The following PLA2R1 variants were observed in gnomAD, a reference collection of about 807,000 sequenced individuals.
PLA2R1 encodes the protein phospholipase A2 receptor 1, also known as secretory phospholipase A2 receptor.
In PLA2R1, 158 loss-of-function variants were observed where a neutral mutation model predicts 195.9. The ratio of observed to expected loss-of-function variants is 0.81; its 90% CI spans 0.71 to 0.92. PLA2R1 has a LOEUF of 0.92. PLA2R1 is among the 40% of genes least tolerant of loss of function. The pLI, the probability that PLA2R1 is intolerant of heterozygous loss-of-function variation, is 0.00. For synonymous variants in PLA2R1, 586 were observed against 598.2 expected, an observed-to-expected ratio of 0.98 and a Z score of 0.30; for missense variants, 1,626 against 1,764.6, an observed-to-expected ratio of 0.92 and a Z score of 1.41.
intron 1 of PLA2R1, among the ~76,000 whole-genome samples, chr2:160,052,076 A>G (rs1695245851): frequency 6.6e-6 from 1 of 152,188 alleles, no homozygotes; most frequent in African/African-American, 2.4e-5. Flanking sequence ...CTGAACCTAG[A>G]TAATCACCAT....
intron 1 of PLA2R1, among the ~76,000 whole-genome samples, chr2:160,046,566 C>CA (rs1464378706): frequency 2.0e-5 from 3 of 152,132 alleles, no homozygotes; most frequent in Non-Finnish European, 4.4e-5. Context: ...TTACAGTAAC[C>CA]AAAATCACTT....
At chr2:159,956,319 C>A (rs2105166887) in intron 21 of PLA2R1, among the ~76,000 whole-genome samples, 191 bp downstream of exon 21, 1 of 152,246 alleles carries the variant, frequency 6.6e-6, no homozygotes, top group African/African-American at 2.4e-5. Flanking sequence ...AGTTTATAAG[C>A]AATGCAGTAC....
At chr2:159,929,841 GTAT>G (rs1208961852), downstream of PLA2R1, among the ~76,000 whole-genome samples, 1 of 145,266 alleles carries the variant, frequency 6.9e-6, no homozygotes, top group Non-Finnish European at 1.5e-5. Flanking sequence ...GCATGTATAT[GTAT>G]TATATATTTG....
intron 10 of PLA2R1, among the ~76,000 whole-genome samples, chr2:160,008,916 G>A (rs910302847): frequency 4.6e-5 from 7 of 152,156 alleles, no homozygotes; most frequent in African/African-American, 1.7e-4. Context: ...CTCCAAAGAA[G>A]ATACACAGAT....
At position 159,938,156 on chromosome 2, in the gene PLA2R1, TA is replaced by T; in HGVS notation, c.*3621del. 2 of 152,314 alleles carry T rather than the reference TA, an allele frequency of 1.3e-5. No individual in the cohort carries two copies. The highest frequency in any genetic ancestry group is 4.1e-4 in the South Asian group (2 of 4,824). 9.4% of individuals were successfully genotyped at this position (152,314 alleles called of 1,614,324 possible). ...GTCCCCAGTTTGAGGACTTTTGACT[TA>T]GAGGATTTCAACAGCCTGTGGAAGC... On this transcript the variant is annotated 3_prime_UTR_variant, in exon 30 of 30. Coordinates refer to ENST00000283243, the MANE Select transcript of PLA2R1 (RefSeq NM_007366.5).
At chr2:159,985,176 G>A (rs1392473351) in intron 12 of PLA2R1, among the ~76,000 whole-genome samples, 1 of 152,136 alleles carries the variant, frequency 6.6e-6, no homozygotes, top group African/African-American at 2.4e-5. Context: ...CATTTCACAG[G>A]CCCCAGTTTA....
At chr2:160,003,762 C>T (rs537333037) in intron 11 of PLA2R1, among the ~76,000 whole-genome samples, 4 of 152,162 alleles carry the variant, frequency 2.6e-5, no homozygotes, top group South Asian at 2.1e-4. Flanking sequence ...TTATGCACAG[C>T]GACATCAACA....
intron 7 of PLA2R1, among the ~76,000 whole-genome samples, chr2:160,022,195 C>G (rs1434918728): frequency 6.6e-5 from 10 of 152,134 alleles, no homozygotes; most frequent in Admixed American, 5.9e-4. Context: ...TGTGCGGAAG[C>G]CAGGAGCCTA....
At chr2:159,924,382 G>C in the PLA2R1 span, among the ~76,000 whole-genome samples, 1 of 152,176 alleles carries the variant, frequency 6.6e-6, no homozygotes, top group East Asian at 1.9e-4. Flanking sequence ...CTACTCTTCA[G>C]CCTAGGACAT....
downstream of PLA2R1, among the ~76,000 whole-genome samples, chr2:159,928,027 T>G (rs1167766717): frequency 6.6e-6 from 1 of 152,202 alleles, no homozygotes; most frequent in Non-Finnish European, 1.5e-5. Flanking sequence ...CCTAGTTGTC[T>G]TCAAAGAAAA....
chr2:160,038,881 G>C (rs550438536), intron 3 of PLA2R1, among the ~76,000 whole-genome samples: 4 of 152,052 alleles, frequency 2.6e-5, no homozygotes, highest in African/African-American at 9.6e-5. Flanking sequence ...GGGGGCAGGC[G>C]GGCGGCGACA....
Position 160,045,138 on chromosome 2 carries a change from G to T in PLA2R1, c.129C>A (p.Ile43=), listed in dbSNP as rs143185634. ...LEWQDKGIFV[I]QSESLKKCIQ... The stretch of plus-strand genomic sequence containing the variant: ...TGCATTTCTTGAGACTCTCACTTTG[G>T]ATAACAAATATTCCTTTATCTGAAA... The change falls in exon 2 of 30, where the codon ATC becomes ATA. Residue 43 remains isoleucine, a synonymous_variant. Coordinates refer to ENST00000283243, the MANE Select transcript of PLA2R1 (RefSeq NM_007366.5). The T allele has an allele frequency of 2.5e-6, 4 of 1,602,070 alleles. No individual in the cohort carries two copies. Among genetic ancestry groups the T allele is most frequent in the South Asian group, 1.1e-5 (1 of 89,972 alleles).
chr2:159,976,025 G>C (rs1337412188), intron 17 of PLA2R1, 43 bp downstream of exon 17: 1 of 1,500,718 alleles, frequency 6.7e-7, no homozygotes, highest in East Asian at 2.3e-5. Flanking sequence ...GCAAAAGAAG[G>C]TGCTAAACTC....
the PLA2R1 span, among the ~76,000 whole-genome samples, chr2:159,924,234 G>T: frequency 1.3e-5 from 2 of 152,284 alleles, no homozygotes; most frequent in East Asian, 3.9e-4. Context: ...GGATACATGT[G>T]ATTGCATGTG....
intron 17 of PLA2R1, among the ~76,000 whole-genome samples, chr2:159,972,514 T>C (rs181525466): frequency 2.6e-5 from 4 of 152,358 alleles, no homozygotes; most frequent in African/African-American, 9.6e-5. Context: ...TGACAGTCAC[T>C]ACATTAATCC....
intron 23 of PLA2R1, 119 bp downstream of exon 23, chr2:159,955,080 C>A: frequency 1.4e-6 from 1 of 705,052 alleles, no homozygotes; most frequent in South Asian, 2.0e-5. Flanking sequence ...AGAAGAAGTG[C>A]CTGACACTGT....
In PLA2R1 at chr2:160,051,135, T is replaced by C. The variant is rs1052722188; in HGVS notation, c.110-5978A>G. ...GGCATTTTAGGCAAACAAAGGACTT[T>C]CTGGTATTCAATAAATTACACCATG... On this transcript the variant is annotated intron_variant, in intron 1 of 29. Transcript: ENST00000283243. 5.0e-4 allele frequency among the ~76,000 whole-genome samples: 76 copies of C among 152,218 alleles called. 1 individual carries two copies. Among genetic ancestry groups the C allele is most frequent in the Non-Finnish European group, 8.8e-5 (6 of 68,018 alleles).
downstream of PLA2R1, chr2:159,931,960 CAACT>C (rs1261476122): frequency 6.6e-6 from 1 of 152,080 alleles, no homozygotes; most frequent in Admixed American, 6.6e-5. Flanking sequence ...ATTTCCTGAC[CAACT>C]AAGTCAGATA....
In PLA2R1 at chr2:160,020,214, A is replaced by T; in HGVS notation, c.1344T>A (p.Val448=). The T allele has an allele frequency of 6.2e-7, 1 of 1,611,728 alleles. No homozygotes were observed. Among genetic ancestry groups the T allele is most frequent in the Non-Finnish European group, 8.5e-7 (1 of 1,177,922 alleles). ...WIGLSSNKIP[V]SFEWSNDSSV... Reference sequence around the variant, plus strand: ...AAGAGTCATTAGACCATTCAAAGGAAACTGGAATTTTATTGCTGCTCAAAC... The same window carrying T: ...AAGAGTCATTAGACCATTCAAAGGATACTGGAATTTTATTGCTGCTCAAAC... The change falls in exon 8 of 30, where the codon GTT becomes GTA. Residue 448 remains valine, a synonymous_variant. Coordinates refer to ENST00000283243, the MANE Select transcript of PLA2R1 (RefSeq NM_007366.5).
Sources: gnomAD v4.1 joint callset for allele counts (sites outside exome capture counted in the v4.1 genomes callset) on GRCh38, gnomAD v4.1.1 for gene constraint, MANE v1.5 for transcripts, NCBI Gene and HGNC (gene_info 2026-07-23, HGNC 2026-07-21) for gene names.